Variants in PBRM1 observed in about 807,000 individuals in gnomAD.
PBRM1 encodes polybromo 1, also known as protein polybromo-1.
In PBRM1, 27 loss-of-function variants were observed where a neutral mutation model predicts 194.5. The observed-to-expected ratio is 0.14, with a 90% CI of 0.10 to 0.19. The LOEUF (loss-of-function observed/expected upper bound fraction) is 0.19, where lower values mean the gene tolerates loss of function less well. PBRM1 is among the 10% of genes least tolerant of loss of function. The pLI is 1.00. For synonymous variants in PBRM1, 655 were observed against 693.2 expected, an observed-to-expected ratio of 0.94 and a Z score of 0.87; for missense variants, 1,466 against 2,077.2, an observed-to-expected ratio of 0.71 and a Z score of 5.72.
At chr3:52,645,161 G>A (rs1335853365) in intron 7 of PBRM1, among the ~76,000 whole-genome samples, 3 of 152,144 alleles carry the variant, frequency 2.0e-5, no homozygotes, top group South Asian at 2.1e-4. Flanking sequence ...TTCTGTCTAT[G>A]TCTTCCATCC....
chr3:52,578,315 A>T (rs1045766601), intron 21 of PBRM1, among the ~76,000 whole-genome samples: 13 of 152,232 alleles, frequency 8.5e-5, no homozygotes, highest in African/African-American at 3.1e-4. Flanking sequence ...CTCCCCAGGA[A>T]AAAGAATATT....
intron 13 of PBRM1, among the ~76,000 whole-genome samples, chr3:52,617,957 A>G (rs1185173190): frequency 6.6e-6 from 1 of 152,202 alleles, no homozygotes; most frequent in Admixed American, 6.6e-5. Flanking sequence ...ACAAAAACAA[A>G]ACAAAATAAA....
At chr3:52,620,390 T>A (rs1441724668) in intron 13 of PBRM1, among the ~76,000 whole-genome samples, 1 of 152,230 alleles carries the variant, frequency 6.6e-6, no homozygotes, top group Admixed American at 6.5e-5. Flanking sequence ...CAGGACAGGA[T>A]GAAATTAGTC....
intron 27 of PBRM1, among the ~76,000 whole-genome samples, chr3:52,553,395 T>C (rs2081423645): frequency 6.6e-6 from 1 of 152,164 alleles, no homozygotes; most frequent in African/African-American, 2.4e-5. Context: ...TCCATTTATA[T>C]ATTTCTATAT....
chr3:52,641,958 T>C, exon 10 of PBRM1: 1 of 1,591,436 alleles, frequency 6.3e-7, no homozygotes, highest in Non-Finnish European at 8.6e-7. Flanking sequence ...GCCTACCAGC[T>C]AAAGCAGCAT....
chr3:52,641,965 G>A (rs2153706101), exon 10 of PBRM1: 1 of 1,595,364 alleles, frequency 6.3e-7, no homozygotes, highest in Non-Finnish European at 8.6e-7. Flanking sequence ...AGCTAAAGCA[G>A]CATCTTCTTC....
chr3:52,674,798 T>C (rs1451736779), intron 2 of PBRM1, among the ~76,000 whole-genome samples: 1 of 150,794 alleles, frequency 6.6e-6, no homozygotes, highest in Non-Finnish European at 1.5e-5. Context: ...ATACAATATA[T>C]ATATTTTATG....
chr3:52,633,830 A>C (rs898585138), intron 11 of PBRM1, among the ~76,000 whole-genome samples: 7 of 151,888 alleles, frequency 4.6e-5, no homozygotes, highest in Non-Finnish European at 7.4e-5. Flanking sequence ...TCCATTCAAG[A>C]CCTTTGCCCA....
chr3:52,596,395 G>A (rs1465709239), intron 17 of PBRM1, among the ~76,000 whole-genome samples: 3 of 131,552 alleles, frequency 2.3e-5, no homozygotes, highest in Admixed American at 8.5e-5. Flanking sequence ...TCGAGATTGT[G>A]CCACTGCACT....
chr3:52,676,126 AAAAAAAAAAAAAAAAAAAAAAAAAAAT>A (rs2097095737), intron 2 of PBRM1, among the ~76,000 whole-genome samples: 1 of 126,934 alleles, frequency 7.9e-6, no homozygotes, highest in Admixed American at 7.8e-5. Context: ...AAAAAAAAAA[AAAAAAAAAAAAAAAAAAAAAAAAAAAT>A]AATGAATGAA....
intron 4 of PBRM1, among the ~76,000 whole-genome samples, chr3:52,661,015 T>C (rs1439111515): frequency 2.0e-5 from 3 of 152,106 alleles, no homozygotes; most frequent in African/African-American, 7.2e-5. Context: ...CAAACATGTC[T>C]TTTTATTTTC....
rs2084127353 is a variant in PBRM1, at chr3:52,563,219, G to C, written c.4086+64C>G. On this transcript the variant is annotated intron_variant, in intron 24 of 29. Coordinates refer to ENST00000296302, the Ensembl canonical transcript of PBRM1. The stretch of plus-strand genomic sequence containing the variant: ...AGGGGCTGGATGTCACTTTACTTTG[G>C]TTTTGAGTCTGCTGCAAACCAAAGG... 9 of 1,302,768 alleles carry C rather than the reference G, an allele frequency of 6.9e-6. No individual in the cohort carries two copies. The South Asian group carries it at 7.8e-5, about 11-fold the overall frequency. 80.7% of individuals were successfully genotyped at this position (1,302,768 alleles called of 1,614,324 possible). A position where few individuals can be genotyped will look rare whatever the true frequency, so the allele number is the denominator to read the frequency against.
upstream of PBRM1, among the ~76,000 whole-genome samples, chr3:52,683,702 C>T (rs1356560113): frequency 3.6e-5 from 5 of 140,056 alleles, no homozygotes; most frequent in Admixed American, 1.5e-4. Context: ...CCTGTAATCC[C>T]AGGCACTCGA....
intron 2 of PBRM1, among the ~76,000 whole-genome samples, chr3:52,674,842 A>G (rs1390083214): frequency 1.3e-5 from 2 of 151,338 alleles, no homozygotes; most frequent in Non-Finnish European, 2.9e-5. Context: ...TATATATAAC[A>G]TATATATTAG....
At chr3:52,567,297 C>T (rs375473763) in intron 22 of PBRM1, among the ~76,000 whole-genome samples, 132 of 151,896 alleles carry the variant, frequency 8.7e-4, no homozygotes, top group African/African-American at 3.0e-3. Context: ...CTTCTGCTGA[C>T]GCTAAATAAT....
At chr3:52,661,530 G>C (rs190457508) in intron 4 of PBRM1, among the ~76,000 whole-genome samples, 15 of 152,300 alleles carry the variant, frequency 9.8e-5, no homozygotes, top group South Asian at 2.1e-4. Flanking sequence ...ATGACAGGGT[G>C]GGGTAGGGGC....
intron 6 of PBRM1, among the ~76,000 whole-genome samples, chr3:52,650,934 A>G (rs1303563390): frequency 3.3e-5 from 5 of 152,170 alleles, no homozygotes; most frequent in African/African-American, 9.7e-5. Context: ...CACACAATTA[A>G]TATTTATTAA....
chr3:52,639,897 G>A (rs1182219932), intron 10 of PBRM1, among the ~76,000 whole-genome samples: 1 of 152,146 alleles, frequency 6.6e-6, no homozygotes, highest in Non-Finnish European at 1.5e-5. Context: ...CTAAGTATGT[G>A]GTACTGTGTC....
chr3:52,596,847 T>C (rs188710518), intron 17 of PBRM1, among the ~76,000 whole-genome samples: 221 of 152,260 alleles, frequency 1.5e-3, no homozygotes, highest in African/African-American at 5.2e-3. Context: ...GTGTCTCACA[T>C]GTCATGTGCC....
Sources: allele counts gnomAD v4.1 joint callset (sites outside exome capture counted in the v4.1 genomes callset), GRCh38; gene constraint gnomAD v4.1.1; transcripts MANE v1.5; gene names NCBI Gene and HGNC (gene_info 2026-07-23, HGNC 2026-07-21).